Variants in DLG2 observed in about 807,000 individuals in gnomAD.
The protein encoded by DLG2 is discs large MAGUK scaffold protein 2.
A neutral mutation model predicts 132.5 loss-of-function variants in DLG2; 45 were observed. That is an observed-to-expected ratio of 0.34 (90% CI 0.27 to 0.44). DLG2 has a LOEUF of 0.44. Ranked by LOEUF, DLG2 falls within the 20% of genes least tolerant of loss-of-function variation. DLG2 has a pLI of 1.00. For synonymous variants in DLG2, 424 were observed against 419.6 expected, an observed-to-expected ratio of 1.01 and a Z score of -0.13; for missense variants, 1,045 against 1,196.9, an observed-to-expected ratio of 0.87 and a Z score of 1.87.
intron 6 of DLG2, among the ~76,000 whole-genome samples, chr11:84,927,144 T>C (rs978715638): frequency 6.6e-6 from 1 of 151,898 alleles, no homozygotes; most frequent in Non-Finnish European, 1.5e-5. Flanking sequence ...ATAAAAAAAG[T>C]TTTCAATATT....
At chr11:84,092,020 T>C (rs1277486514) in intron 10 of DLG2, among the ~76,000 whole-genome samples, 1 of 152,168 alleles carries the variant, frequency 6.6e-6, no homozygotes, top group Non-Finnish European at 1.5e-5. Flanking sequence ...TCTCTCTGTT[T>C]TTAAAAGTCT....
At chr11:84,265,922 T>G (rs773447273) in intron 7 of DLG2, among the ~76,000 whole-genome samples, 1 of 152,198 alleles carries the variant, frequency 6.6e-6, no homozygotes, top group African/African-American at 2.4e-5. Context: ...AAATTTTGGT[T>G]TGCTACATGG....
chr11:85,587,860 C>T (rs573569995), intron 3 of DLG2, among the ~76,000 whole-genome samples: 3 of 152,186 alleles, frequency 2.0e-5, no homozygotes, highest in South Asian at 4.1e-4. Flanking sequence ...ATTTAGATCT[C>T]GTTTTAGCAT....
chr11:85,188,079 G>A (rs758009883), intron 4 of DLG2, among the ~76,000 whole-genome samples: 9 of 152,180 alleles, frequency 5.9e-5, no homozygotes, highest in Admixed American at 2.0e-4. Context: ...CACAAGCGCA[G>A]AGGAGACATG....
At chr11:84,343,723 A>T (rs1341852899) in intron 7 of DLG2, among the ~76,000 whole-genome samples, 1 of 152,238 alleles carries the variant, frequency 6.6e-6, no homozygotes, top group Non-Finnish European at 1.5e-5. Context: ...ACTTTAAAGC[A>T]TGGTAAAATA....
At chr11:85,344,920 C>T (rs2082726829) in intron 3 of DLG2, among the ~76,000 whole-genome samples, 1 of 151,838 alleles carries the variant, frequency 6.6e-6, no homozygotes, top group Admixed American at 6.6e-5. Context: ...ATGCTACACA[C>T]TGCTCAAGAC....
At chr11:83,837,950 A>T (rs1257096283) in intron 16 of DLG2, among the ~76,000 whole-genome samples, 1 of 152,144 alleles carries the variant, frequency 6.6e-6, no homozygotes, top group Non-Finnish European at 1.5e-5. Context: ...CAGAATTTTC[A>T]TGAAAAGGTT....
intron 14 of DLG2, among the ~76,000 whole-genome samples, chr11:83,935,589 C>G (rs188646881): frequency 1.3e-5 from 2 of 152,196 alleles, no homozygotes; most frequent in African/African-American, 4.8e-5. Context: ...TTGTAAGAAC[C>G]TATTCGCTCC....
chr11:84,030,151 T>C (rs1296962484), intron 11 of DLG2, among the ~76,000 whole-genome samples: 1 of 152,134 alleles, frequency 6.6e-6, no homozygotes, highest in Non-Finnish European at 1.5e-5. Flanking sequence ...CCAATATAAA[T>C]TGTATGACCT....
chr11:85,441,500 T>A (rs899619493), intron 3 of DLG2, among the ~76,000 whole-genome samples: 14 of 152,184 alleles, frequency 9.2e-5, no homozygotes, highest in African/African-American at 2.9e-4. Flanking sequence ...ACTGTAATAC[T>A]CTCCAAATTG....
intron 7 of DLG2, among the ~76,000 whole-genome samples, chr11:84,500,327 A>AG (rs1301264511): frequency 6.7e-6 from 1 of 150,322 alleles, no homozygotes; most frequent in African/African-American, 2.4e-5. Context: ...ATGATGTCTC[A>AG]GCCAAGGTTA....
chr11:85,503,526 A>C (rs1459498269), intron 3 of DLG2, among the ~76,000 whole-genome samples: 2 of 152,108 alleles, frequency 1.3e-5, no homozygotes, highest in African/African-American at 4.8e-5. Flanking sequence ...AGAATTGAAC[A>C]GTAGGGTTTT....
intron 16 of DLG2, among the ~76,000 whole-genome samples, chr11:83,866,694 C>G (rs977577782): frequency 6.6e-6 from 1 of 152,090 alleles, no homozygotes; most frequent in South Asian, 2.1e-4. Flanking sequence ...GGAAGATATA[C>G]ACGGTATGAT....
chr11:84,496,035 A>C (rs2099182426), intron 7 of DLG2, among the ~76,000 whole-genome samples: 1 of 152,106 alleles, frequency 6.6e-6, no homozygotes, highest in Admixed American at 6.6e-5. Context: ...TGTCTTCTTG[A>C]GTACCACCAG....
At chr11:85,144,606 G>C (rs1459632826) in intron 5 of DLG2, among the ~76,000 whole-genome samples, 1 of 150,898 alleles carries the variant, frequency 6.6e-6, no homozygotes, top group Admixed American at 6.6e-5. Context: ...TTGATCCGAG[G>C]TTACCATGAA....
intron 3 of DLG2, among the ~76,000 whole-genome samples, chr11:85,293,659 G>A (rs2079047867): frequency 6.6e-6 from 1 of 152,046 alleles, no homozygotes; most frequent in Admixed American, 6.6e-5. Flanking sequence ...CAGATTAAAG[G>A]AAACTAAACA....
chr11:84,494,846 C>T (rs1382411895), intron 7 of DLG2, among the ~76,000 whole-genome samples: 1 of 152,124 alleles, frequency 6.6e-6, no homozygotes, highest in African/African-American at 2.4e-5. Context: ...CCAAAAGGAG[C>T]CTCCCTGCCC....
chr11:85,304,734 T>C (rs1383138584), intron 3 of DLG2, among the ~76,000 whole-genome samples: 7 of 152,166 alleles, frequency 4.6e-5, no homozygotes, highest in Non-Finnish European at 1.5e-5. Flanking sequence ...AGAATACTTC[T>C]TGATTAAACA....
intron 7 of DLG2, among the ~76,000 whole-genome samples, chr11:84,410,096 C>T (rs190722637): frequency 1.3e-5 from 2 of 152,272 alleles, no homozygotes; most frequent in East Asian, 3.9e-4. Context: ...ACTGACTGAA[C>T]CCTGATGGCT....
Sources: gnomAD v4.1 joint callset for allele counts (sites outside exome capture counted in the v4.1 genomes callset) on GRCh38, gnomAD v4.1.1 for gene constraint, MANE v1.5 for transcripts, NCBI Gene and HGNC (gene_info 2026-07-23, HGNC 2026-07-21) for gene names.